NSG2: variants seen among roughly 807,000 people sequenced by gnomAD.
The protein encoded by NSG2 is neuronal vesicle trafficking-associated protein 2.
NSG2 carries 4 observed loss-of-function variants against 16.9 expected under a neutral mutation model. The observed-to-expected ratio is 0.24, with a 90% CI of 0.12 to 0.54. The LOEUF (loss-of-function observed/expected upper bound fraction) is 0.54, where lower values mean the gene tolerates loss of function less well. NSG2 is among the 20% of genes least tolerant of loss of function. The probability of loss-of-function intolerance (pLI) is 0.95; values close to 1 mark genes in which losing one functional copy is unlikely to be tolerated. For missense variants in NSG2, 179 were observed against 221.1 expected (o/e 0.81, Z 1.21); for synonymous variants, 98 against 88.7 (o/e 1.11, Z -0.59).
At chr5:174,051,237 C>A (rs555167571) in intron 2 of NSG2, among the ~76,000 whole-genome samples, 2 of 151,976 alleles carry the variant, frequency 1.3e-5, no homozygotes, top group African/African-American at 2.4e-5. Flanking sequence ...TACAGGACAC[C>A]CAAGTCCCCC....
chr5:174,048,994 A>G (rs757118579), intron 2 of NSG2, among the ~76,000 whole-genome samples: 4 of 152,070 alleles, frequency 2.6e-5, no homozygotes, highest in African/African-American at 4.8e-5. Flanking sequence ...CTACCTCACA[A>G]TGGTCAGAAC....
rs1181361335 is a variant in NSG2, at chr5:174,083,603, G to GCTTGCAAAGCTTC, written c.213+19300_213+19312dup. ...GCTCATGAAATTCAGGAGCTGGCGT[G>GCTTGCAAAGCTTC]CTTGCAAAGCTTCCTTGCAAAGCTC... On this transcript the variant is annotated intron_variant, in intron 3 of 4. Transcript: ENST00000303177. Among the ~76,000 whole-genome samples the GCTTGCAAAGCTTC allele has an allele frequency of 2.0e-5, 3 of 152,172 alleles. No homozygotes were observed. The East Asian group carries it at 5.8e-4, about 29-fold the overall frequency.
rs908568080 is a variant in NSG2 at position 174,108,839 on chromosome 5, C to G, written c.*1334C>G. 6.5e-6 allele frequency: 1 copy of G among 152,816 alleles called. No individual in the cohort carries two copies. The highest frequency in any genetic ancestry group is 6.5e-5 in the Admixed American group (1 of 15,294). 9.5% of individuals were successfully genotyped at this position (152,816 alleles called of 1,614,324 possible). A position where few individuals can be genotyped will look rare whatever the true frequency, so the allele number is the denominator to read the frequency against. Reference sequence around the variant, plus strand: ...GATGTGGTACTGCTTCCTCACAAGTCTCCCACAGGCCATGTAAAGGGTATT... The same window carrying G: ...GATGTGGTACTGCTTCCTCACAAGTGTCCCACAGGCCATGTAAAGGGTATT... On this transcript the variant is annotated 3_prime_UTR_variant, in exon 5 of 5. Transcript: ENST00000303177.
chr5:174,056,093 C>G (rs1759963893), intron 2 of NSG2: 1 of 152,218 alleles, frequency 6.6e-6, no homozygotes, highest in South Asian at 2.1e-4. Flanking sequence ...TTCACTGATT[C>G]ATTCCACAGT....
chr5:174,075,787 G>T (rs1023234580), intron 3 of NSG2, among the ~76,000 whole-genome samples: 1 of 152,226 alleles, frequency 6.6e-6, no homozygotes, highest in African/African-American at 2.4e-5. Flanking sequence ...GGAACTGTCA[G>T]AAGAAGGCCC....
At position 174,107,352 on chromosome 5, in the gene NSG2, C is replaced by T. The variant is rs781073653; in HGVS notation, c.363C>T (p.Tyr121=). ...TCCCAGCCTCCCTGGATGCTTACTA[C>T]TCCTCCCAGGACCCCAATTCCAGAA... The part of the protein sequence containing the change: ...RCIPASLDAY[Y]SSQDPNSRSR... The change falls in exon 5 of 5, where the codon TAC becomes TAT. Residue 121 remains tyrosine, a synonymous_variant. Coordinates refer to ENST00000303177, the MANE Select transcript of NSG2 (RefSeq NM_015980.5). This position sits in a 1 kb window ranked among gnomAD's most constrained non-coding sequence, Gnocchi z 4.5. 7 of 1,593,340 alleles carry T rather than the reference C, an allele frequency of 4.4e-6. No homozygotes were observed. The highest frequency in any genetic ancestry group is 6.0e-6 in the Non-Finnish European group (7 of 1,165,200).
At chr5:174,046,417 T>G (rs1179683739) in intron 1 of NSG2, among the ~76,000 whole-genome samples, 1 of 152,222 alleles carries the variant, frequency 6.6e-6, no homozygotes, top group Non-Finnish European at 1.5e-5. Flanking sequence ...TGGCATTGTG[T>G]GAGCACTTTA....
intron 3 of NSG2, chr5:174,066,283 C>G (rs953262956): frequency 2.2e-6 from 1 of 455,966 alleles, no homozygotes; most frequent in African/African-American, 2.0e-5. Context: ...TAAGCAGGTA[C>G]CTGCATGAAT....
chr5:174,107,743 G>T lies in NSG2; in HGVS notation c.*238G>T. On this transcript the variant is annotated 3_prime_UTR_variant, in exon 5 of 5. Transcript: ENST00000303177. The surrounding 1 kb of genome is among the most constrained non-coding windows in gnomAD (Gnocchi z 4.5). ...CGCCGAGTCAGGCTCATGTACAAAG[G>T]CATGTTTCGTGTTGATTGTTCCCAT... 1 of 682,238 alleles carries T rather than the reference G, an allele frequency of 1.5e-6. No individual in the cohort carries two copies. The allele number at this position is 682,238 out of a possible 1,614,324, so 42.3% of individuals were successfully genotyped here.
intron 4 of NSG2, among the ~76,000 whole-genome samples, chr5:174,104,887 T>A (rs988016595): frequency 1.3e-5 from 2 of 152,226 alleles, no homozygotes; most frequent in South Asian, 4.1e-4. Context: ...GGGCTCATAA[T>A]GCCTTTTCCC....
intron 3 of NSG2, among the ~76,000 whole-genome samples, chr5:174,094,752 G>A (rs1189692222): frequency 6.6e-6 from 1 of 152,164 alleles, no homozygotes; most frequent in Admixed American, 6.5e-5. Flanking sequence ...TCATCCAACT[G>A]GGTTCTTCCC....
intron 2 of NSG2, among the ~76,000 whole-genome samples, chr5:174,057,739 C>T (rs1759987774): frequency 6.6e-6 from 1 of 152,194 alleles, no homozygotes; most frequent in Admixed American, 6.5e-5. Context: ...CTAGCTTCCT[C>T]CCTGTCACCT....
At chr5:174,105,657 C>T (rs1445221696) in intron 4 of NSG2, among the ~76,000 whole-genome samples, 1 of 152,122 alleles carries the variant, frequency 6.6e-6, no homozygotes, top group African/African-American at 2.4e-5. Flanking sequence ...TTCAGATCTG[C>T]CTTCCTAGAT....
rs116921393 is a variant in NSG2, at chr5:174,098,214, C to G, written c.214-6014C>G. ...AGGCCCAGAGAAGCAACTGCAGGAG[C>G]TGTCAGGGTGCTGGGGCTGGAGGGG... is the stretch of plus-strand genomic sequence containing the variant. On this transcript the variant is annotated intron_variant, in intron 3 of 4. Coordinates refer to ENST00000303177, the MANE Select transcript of NSG2 (RefSeq NM_015980.5). Among the ~76,000 whole-genome samples the G allele has an allele frequency of 1.5e-3, 223 of 152,316 alleles. 7 individuals carry two copies. The East Asian group carries it at 0.038, about 26-fold the overall frequency.
intron 3 of NSG2, among the ~76,000 whole-genome samples, chr5:174,100,999 C>T (rs1014949089): frequency 2.6e-5 from 4 of 152,202 alleles, no homozygotes; most frequent in African/African-American, 9.7e-5. Context: ...CCAGCAGCTC[C>T]CTCAGACCCT....
chr5:174,106,255 A>G (rs1760977661), intron 4 of NSG2, among the ~76,000 whole-genome samples: 1 of 152,238 alleles, frequency 6.6e-6, no homozygotes, highest in Non-Finnish European at 1.5e-5. Context: ...TGAAATATGT[A>G]AATGTTTGAC....
chr5:174,051,587 C>G (rs1759890560), intron 2 of NSG2, among the ~76,000 whole-genome samples: 1 of 152,162 alleles, frequency 6.6e-6, no homozygotes. Flanking sequence ...ATCCATCCAT[C>G]CATCCATCCA....
intron 3 of NSG2, among the ~76,000 whole-genome samples, chr5:174,085,341 T>G (rs1317408360): frequency 6.6e-6 from 1 of 151,988 alleles, no homozygotes; most frequent in Non-Finnish European, 1.5e-5. Context: ...AGCCAGGAAA[T>G]TGTGGAGCAG....
chr5:174,068,974 G>C (rs1760191931), intron 3 of NSG2, among the ~76,000 whole-genome samples: 1 of 148,790 alleles, frequency 6.7e-6, no homozygotes, highest in South Asian at 2.2e-4. Context: ...TACTATGGAG[G>C]GTGCTGGTGT....
Sources: allele counts gnomAD v4.1 joint callset (sites outside exome capture counted in the v4.1 genomes callset), GRCh38; gene constraint gnomAD v4.1.1; non-coding constraint Gnocchi (gnomAD v3.1); transcripts MANE v1.5; gene names NCBI Gene and HGNC (gene_info 2026-07-23, HGNC 2026-07-21).